Variants in SLC4A7 observed in about 807,000 individuals in gnomAD.
SLC4A7 encodes the protein solute carrier family 4 member 7.
In SLC4A7, 51 loss-of-function variants were observed where a neutral mutation model predicts 137.6. The observed-to-expected ratio is 0.37, with a 90% CI of 0.30 to 0.47. The LOEUF (loss-of-function observed/expected upper bound fraction) is 0.47, where lower values mean the gene tolerates loss of function less well. Among genes scored for constraint, SLC4A7 ranks in the 20% least tolerant of loss-of-function variants. SLC4A7 has a pLI of 1.00. For synonymous variants in SLC4A7, 542 were observed against 518.6 expected (o/e 1.05, Z -0.61); for missense variants, 1,247 against 1,525.4 (o/e 0.82, Z 3.04).
chr3:27,403,436 G>C (rs886786194), intron 14 of SLC4A7, 52 bp from the exon 15 acceptor site: 2 of 1,349,576 alleles, frequency 1.5e-6, no homozygotes, highest in Non-Finnish European at 2.0e-6. Flanking sequence ...AATAGTATTT[G>C]TACCTAAAAT....
At chr3:27,405,533 T>A (rs955992410) in intron 13 of SLC4A7, among the ~76,000 whole-genome samples, 3 of 152,196 alleles carry the variant, frequency 2.0e-5, no homozygotes, top group Non-Finnish European at 4.4e-5. Flanking sequence ...TGAATACTTT[T>A]ATATGGCTGA....
At chr3:27,449,822 T>C (rs947448274) in intron 2 of SLC4A7, among the ~76,000 whole-genome samples, 3 of 152,176 alleles carry the variant, frequency 2.0e-5, no homozygotes, top group Non-Finnish European at 4.4e-5. Flanking sequence ...GAAATACAAA[T>C]GATTAATGAC....
At chr3:27,413,927 TAC>T in intron 11 of SLC4A7, among the ~76,000 whole-genome samples, 1 of 150,838 alleles carries the variant, frequency 6.6e-6, no homozygotes, top group Non-Finnish European at 1.5e-5. Flanking sequence ...ATCTCTTACT[TAC>T]AGATTATTTG....
intron 1 of SLC4A7, among the ~76,000 whole-genome samples, chr3:27,466,810 T>C (rs751421594): frequency 2.6e-5 from 4 of 152,150 alleles, no homozygotes; most frequent in African/African-American, 7.2e-5. Flanking sequence ...AGAGCCGCGA[T>C]TGCGCCACTG....
At chr3:27,389,071 G>A (rs533333173) in intron 22 of SLC4A7, among the ~76,000 whole-genome samples, 1 of 151,810 alleles carries the variant, frequency 6.6e-6, no homozygotes, top group South Asian at 2.1e-4. Context: ...ACATGTGCTT[G>A]GGAGTGGTTT....
chr3:27,387,762 C>T (rs1216687976), intron 22 of SLC4A7, among the ~76,000 whole-genome samples: 1 of 152,126 alleles, frequency 6.6e-6, no homozygotes, highest in Non-Finnish European at 1.5e-5. Context: ...AAGGCTCCAA[C>T]TTCAGTTACC....
At chr3:27,460,075 C>T (rs1018111696) in intron 1 of SLC4A7, among the ~76,000 whole-genome samples, 9 of 150,954 alleles carry the variant, frequency 6.0e-5, no homozygotes, top group Middle Eastern at 3.2e-3. Context: ...CTCGCTCTGT[C>T]GCCCAGGCTG....
chr3:27,430,365 G>C (rs564122042), intron 7 of SLC4A7, among the ~76,000 whole-genome samples: 2 of 151,004 alleles, frequency 1.3e-5, no homozygotes, highest in South Asian at 4.2e-4. Context: ...GCCCACACCT[G>C]TAATCTCAGC....
chr3:27,426,384 A>C (rs34307140), intron 7 of SLC4A7, among the ~76,000 whole-genome samples: 32,511 of 152,126 alleles, frequency 0.21, 3,557 homozygotes, highest in Non-Finnish European at 0.25. Context: ...AGAGATAAAA[A>C]GTTAACCAGT....
chr3:27,389,036 T>C (rs770559010), intron 22 of SLC4A7, among the ~76,000 whole-genome samples: 1 of 152,132 alleles, frequency 6.6e-6, no homozygotes, highest in African/African-American at 2.4e-5. Context: ...TAATCTTGTA[T>C]ATCCATTCTC....
intron 11 of SLC4A7, among the ~76,000 whole-genome samples, chr3:27,414,152 C>T (rs1433814917): frequency 6.6e-6 from 1 of 152,052 alleles, no homozygotes; most frequent in Admixed American, 6.5e-5. Flanking sequence ...TGGTGGTAGG[C>T]GCCTGTAATC....
At chr3:27,469,514 T>C (rs183948471) in intron 1 of SLC4A7, among the ~76,000 whole-genome samples, 1 of 152,342 alleles carries the variant, frequency 6.6e-6, no homozygotes, top group Non-Finnish European at 1.5e-5. Context: ...TTATGTTTAC[T>C]GATTTATAAA....
chr3:27,454,240 T>G (rs946944405), intron 1 of SLC4A7, among the ~76,000 whole-genome samples: 1 of 152,126 alleles, frequency 6.6e-6, no homozygotes, highest in African/African-American at 2.4e-5. Flanking sequence ...CCGAGGTTGG[T>G]GGATCACCTG....
chr3:27,474,932 A>T (rs2059402747), intron 1 of SLC4A7, among the ~76,000 whole-genome samples: 1 of 151,870 alleles, frequency 6.6e-6, no homozygotes, highest in Non-Finnish European at 1.5e-5. Context: ...ACATGGTGAA[A>T]CCCCATCTCT....
intron 1 of SLC4A7, among the ~76,000 whole-genome samples, chr3:27,461,155 T>A (rs1044922063): frequency 2.6e-5 from 4 of 152,106 alleles, no homozygotes; most frequent in Admixed American, 1.3e-4. Context: ...CAAAATTATC[T>A]TTATTTGCAG....
intron 1 of SLC4A7, among the ~76,000 whole-genome samples, chr3:27,466,028 T>C (rs2058977069): frequency 6.6e-6 from 1 of 151,608 alleles, no homozygotes; most frequent in Non-Finnish European, 1.5e-5. Context: ...ATATGTAGTA[T>C]CCATTTAAGT....
chr3:27,420,718 G>A lies in SLC4A7; in HGVS notation c.1494C>T (p.Ala498=), dbSNP rs1409230137. The A allele has an allele frequency of 3.1e-6, 5 of 1,611,948 alleles. No homozygotes were observed. The highest frequency in any genetic ancestry group is 4.2e-6 in the Non-Finnish European group (5 of 1,178,140). ...PQYHEIGRSI[A]TLMTDEIFHD... ...TGATTACCTCATCTGTCATGAGAGT[G>A]GCTATTGATCGTCCAATTTCATGGT... Residue 498 remains alanine (A), a synonymous_variant, in exon 10 of 26, where the codon GCC becomes GCT. Transcript: ENST00000454389.
At chr3:27,452,855 GCTTT>G (rs2058167662) in intron 1 of SLC4A7, among the ~76,000 whole-genome samples, 1 of 152,150 alleles carries the variant, frequency 6.6e-6, no homozygotes, top group African/African-American at 2.4e-5. Context: ...AACATGTAAT[GCTTT>G]CTTTCTTGAT....
chr3:27,399,461 G>T (rs2052535178), intron 16 of SLC4A7, among the ~76,000 whole-genome samples: 1 of 152,042 alleles, frequency 6.6e-6, no homozygotes, highest in Admixed American at 6.6e-5. Context: ...TAGAGACAGG[G>T]TCTCATTCTG....
Sources: allele counts gnomAD v4.1 joint callset (sites outside exome capture counted in the v4.1 genomes callset), GRCh38; gene constraint gnomAD v4.1.1; transcripts MANE v1.5; gene names NCBI Gene and HGNC (gene_info 2026-07-23, HGNC 2026-07-21).